SPTB: variants seen among roughly 807,000 people sequenced by gnomAD.
SPTB encodes the protein spectrin beta, erythrocytic.
A neutral mutation model predicts 256.2 loss-of-function variants in SPTB; 45 were observed. The ratio of observed to expected loss-of-function variants is 0.18; its 90% CI spans 0.14 to 0.23. SPTB has a LOEUF of 0.23. SPTB is among the 10% of genes least tolerant of loss of function. SPTB has a pLI of 1.00. For missense variants in SPTB, 2,715 were observed against 3,040.4 expected, an observed-to-expected ratio of 0.89 and a Z score of 2.52; for synonymous variants, 1,231 against 1,243.1, an observed-to-expected ratio of 0.99 and a Z score of 0.21.
intron 1 of SPTB, among the ~76,000 whole-genome samples, chr14:64,834,371 G>A (rs943983777): frequency 6.6e-6 from 1 of 151,300 alleles, no homozygotes; most frequent in Non-Finnish European, 1.5e-5. Flanking sequence ...GCTAGACTGT[G>A]TGGCAAAAGG....
Position 64,824,971 on chromosome 14 carries a change from G to A in SPTB, c.-51-1826C>T, listed in dbSNP as rs145795831. Among the ~76,000 whole-genome samples, 1,061 of 152,206 alleles carry A rather than the reference G, an allele frequency of 7.0e-3. 6 individuals carry two copies. Among genetic ancestry groups the A allele is most frequent in the Non-Finnish European group, 0.011 (748 of 68,010 alleles). Reference sequence around the variant, plus strand: ...CTGCTGCAGGAGGAGGCCTCCCCAGGGTCATCCGGTGGAATGACTGCGGCT... The same window carrying A: ...CTGCTGCAGGAGGAGGCCTCCCCAGAGTCATCCGGTGGAATGACTGCGGCT... On this transcript the variant is annotated intron_variant, in intron 1 of 35. Coordinates refer to ENST00000644917, the MANE Select transcript of SPTB (RefSeq NM_001355436.2). The surrounding 1 kb of genome is among the most constrained non-coding windows in gnomAD (Gnocchi z 5.7).
chr14:64,860,613 G>A (rs1056239003), intron 1 of SPTB, among the ~76,000 whole-genome samples: 3 of 151,990 alleles, frequency 2.0e-5, no homozygotes, highest in Non-Finnish European at 1.5e-5. Context: ...AAAAAGGATC[G>A]AGCCTGCCTC....
Position 64,822,965 on chromosome 14 carries a change from G to A in SPTB, c.130C>T (p.Arg44Trp), listed in dbSNP as rs1228690182. The A allele has an allele frequency of 5.0e-6, 8 of 1,613,688 alleles. No individual in the cohort carries two copies. The highest frequency in any genetic ancestry group is 6.8e-6 in the Non-Finnish European group (8 of 1,180,036). Reference sequence around the variant, plus strand: ...ACAGTACCTGCCAAGGCCTTTATCCGGGACCTCTCAAAGAGCCTGGCTGAG... The same window carrying A: ...ACAGTACCTGCCAAGGCCTTTATCCAGGACCTCTCAAAGAGCCTGGCTGAG... The part of the protein sequence containing the change: ...NSSARLFERS[R>W]IKALADEREV... Residue 44 changes from arginine to tryptophan, a missense_variant, in exon 2 of 36, where the codon CGG becomes TGG. Transcript: ENST00000644917.
Position 64,792,936 on chromosome 14 carries a change from G to A in SPTB, c.2666+61C>T. 12 of 1,611,006 alleles carry A rather than the reference G, an allele frequency of 7.4e-6. No homozygotes were observed. The highest frequency in any genetic ancestry group is 1.3e-5 in the African/African-American group (1 of 74,982). ...GATCCAGAGACTATTACCAAACTAG[G>A]TGGGAGATGGTGCCCAGGCCTGGGT... On this transcript the variant is annotated intron_variant, in intron 14 of 35. Coordinates refer to ENST00000644917, the MANE Select transcript of SPTB (RefSeq NM_001355436.2). This position sits in a 1 kb window ranked among gnomAD's most constrained non-coding sequence, Gnocchi z 4.2.
At position 64,790,066 on chromosome 14, in the gene SPTB, T is replaced by C. The variant is rs2139580579; in HGVS notation, c.2804+1653A>G. The stretch of plus-strand genomic sequence containing the variant: ...ATGTACGCATTTCAAGGAGGCAGAT[T>C]TCCACTCAATGGAAGAGCAAACTTT... On this transcript the variant is annotated intron_variant, in intron 15 of 35. Transcript: ENST00000644917. The surrounding 1 kb of genome is among the most constrained non-coding windows in gnomAD (Gnocchi z 4.8). Among the ~76,000 whole-genome samples, 1 of 152,270 alleles carries C rather than the reference T, an allele frequency of 6.6e-6. No homozygotes were observed. Among genetic ancestry groups the C allele is most frequent in the African/African-American group, 2.4e-5 (1 of 41,556 alleles).
Position 64,774,498 on chromosome 14 carries a change from C to A in SPTB, c.4872G>T (p.Lys1624Asn). 6.4e-7 allele frequency: 1 copy of A among 1,555,216 alleles called. No individual in the cohort carries two copies. The highest frequency in any genetic ancestry group is 1.2e-5 in the South Asian group (1 of 84,330). Residue 1624 changes from lysine (K) to asparagine (N), a missense_variant, in exon 24 of 36, where the codon AAG becomes AAT. Transcript: ENST00000644917. ...CCGCACGCTGCTGCCGCAAATGTCG[C>A]TTCAGCATCACAATGGCGCCCTCTT... The part of the protein sequence containing the change: ...KDEEGAIVML[K>N]RHLRQQRAVE...
chr14:64,858,452 AAC>A (rs1221324992), intron 1 of SPTB, among the ~76,000 whole-genome samples: 1 of 152,164 alleles, frequency 6.6e-6, no homozygotes, highest in African/African-American at 2.4e-5. Flanking sequence ...ATGAAATGAG[AAC>A]ACAGTCAGGA....
Position 64,816,972 on chromosome 14 carries a change from C to T in SPTB, c.148+5975G>A, listed in dbSNP as rs1294901832. Among the ~76,000 whole-genome samples the T allele has an allele frequency of 6.6e-6, 1 of 152,220 alleles. No individual in the cohort carries two copies. The highest frequency in any genetic ancestry group is 1.5e-5 in the Non-Finnish European group (1 of 68,038). The stretch of plus-strand genomic sequence containing the variant: ...AGGCTATTAACGTGGTTCACTCAGA[C>T]TGCACTGCCCGGGGAGAGAACAGAG... On this transcript the variant is annotated intron_variant, in intron 2 of 35. Transcript: ENST00000644917. The surrounding 1 kb of genome is among the most constrained non-coding windows in gnomAD (Gnocchi z 4.2).
intron 1 of SPTB, among the ~76,000 whole-genome samples, chr14:64,854,799 A>G (rs2139784881): frequency 1.3e-5 from 2 of 152,282 alleles, no homozygotes; most frequent in Middle Eastern, 6.8e-3. Flanking sequence ...CTTGCCCTTC[A>G]TTGAGGGGAA....
chr14:64,776,607 A>AT (rs201181714), intron 22 of SPTB, among the ~76,000 whole-genome samples: 12,699 of 151,974 alleles, frequency 0.084, 704 homozygotes, highest in East Asian at 0.27. Context: ...CATCTGGCTA[A>AT]TTTTTTGTAT....
chr14:64,781,041 G>C (rs1018314738), intron 20 of SPTB, among the ~76,000 whole-genome samples: 3 of 151,884 alleles, frequency 2.0e-5, no homozygotes, highest in Non-Finnish European at 1.5e-5. Context: ...ATTGAAGCTG[G>C]GCCCTTTCAT....
rs1482593603 is a variant in SPTB at position 64,749,667 on chromosome 14, T to C, written c.6806A>G (p.His2269Arg). Residue 2269 changes from histidine to arginine, a missense_variant, in exon 35 of 36, where the codon CAT becomes CGT. His to Arg is a conservative substitution (Grantham distance 29). This residue lies in a region of SPTB where 2,239 missense variants were observed against 2,384.4 expected (regional missense o/e 0.94). Coordinates refer to ENST00000644917, the MANE Select transcript of SPTB (RefSeq NM_001355436.2). The surrounding 1 kb of genome is among the most constrained non-coding windows in gnomAD (Gnocchi z 4.7). ...GCCCGCGCTTACCTCATCCTTGCCA[T>C]GGAAGAGCCACTCGCTGCCATTACT... ...RLSNGSEWLFHGKDEEEMLSW... is the reference protein window; with the variant it reads ...RLSNGSEWLFRGKDEEEMLSW... 1 of 1,613,758 alleles carries C rather than the reference T, an allele frequency of 6.2e-7. No individual in the cohort carries two copies. Among genetic ancestry groups the C allele is most frequent in the Non-Finnish European group, 8.5e-7 (1 of 1,179,946 alleles).
Position 64,828,872 on chromosome 14 carries a change from G to T in SPTB, c.-51-5727C>A, listed in dbSNP as rs573838499. Among the ~76,000 whole-genome samples, 224 of 152,286 alleles carry T rather than the reference G, an allele frequency of 1.5e-3. 1 individual carries two copies. Among genetic ancestry groups the T allele is most frequent in the Non-Finnish European group, 2.2e-3 (153 of 68,034 alleles). ...GTAGAGGTCTCAACATTGTAGTGAG[G>T]TCTCAACATTGAAAATAGTCAAGAA... On this transcript the variant is annotated intron_variant, in intron 1 of 35. Coordinates refer to ENST00000644917, the MANE Select transcript of SPTB (RefSeq NM_001355436.2).
At chr14:64,773,498 A>G in intron 24 of SPTB, 74 bp from the exon 25 acceptor site, 1 of 1,487,448 alleles carries the variant, frequency 6.7e-7, no homozygotes, top group Non-Finnish European at 9.3e-7. Context: ...GGGAGCCAAC[A>G]TATGCCAACC....
intron 2 of SPTB, among the ~76,000 whole-genome samples, chr14:64,813,351 T>C (rs1401175686): frequency 6.6e-6 from 1 of 152,080 alleles, no homozygotes; most frequent in Non-Finnish European, 1.5e-5. Context: ...GAAAGATAAG[T>C]AGGAGCCAAG....
Position 64,749,604 on chromosome 14 carries a change from T to G in SPTB, c.6819+50A>C. The G allele has an allele frequency of 6.2e-7, 1 of 1,611,714 alleles. No individual in the cohort carries two copies. The highest frequency in any genetic ancestry group is 8.5e-7 in the Non-Finnish European group (1 of 1,179,588). ...CTCCAGGGCAAGCGGCCTGGGGTCCTCCACCTACCCCCTTCTTAGCCAGGT... is the reference window on the plus strand; with the variant it reads ...CTCCAGGGCAAGCGGCCTGGGGTCCGCCACCTACCCCCTTCTTAGCCAGGT... On this transcript the variant is annotated intron_variant, in intron 35 of 35. Transcript: ENST00000644917. This position sits in a 1 kb window ranked among gnomAD's most constrained non-coding sequence, Gnocchi z 4.7.
intron 2 of SPTB, among the ~76,000 whole-genome samples, chr14:64,817,508 G>C (rs2083212936): frequency 6.6e-6 from 1 of 152,212 alleles, no homozygotes; most frequent in South Asian, 2.1e-4. Context: ...ACGGGTACCT[G>C]GAGACAGACA....
intron 29 of SPTB, chr14:64,768,345 G>T: frequency 4.8e-6 from 1 of 206,524 alleles, no homozygotes; most frequent in South Asian, 8.9e-5. Flanking sequence ...TGGCCCAATA[G>T]TTATATTTTT....
In SPTB at chr14:64,834,570, T is replaced by C. The variant is rs2083493274; in HGVS notation, c.-51-11425A>G. 3.3e-5 allele frequency among the ~76,000 whole-genome samples: 5 copies of C among 151,960 alleles called. No individual in the cohort carries two copies. The South Asian group carries it at 1.0e-3, about 32-fold the overall frequency. On this transcript the variant is annotated intron_variant, in intron 1 of 35. Transcript: ENST00000644917. ...CCTCCCAAGCGTCTGGGACTATAGG[T>C]ACATGCCACTACACTTGGCTAATTT... is the stretch of plus-strand genomic sequence containing the variant.
Sources: allele counts gnomAD v4.1 joint callset (sites outside exome capture counted in the v4.1 genomes callset), GRCh38; gene constraint gnomAD v4.1.1; regional missense constraint gnomAD v4.1.1; non-coding constraint Gnocchi (gnomAD v3.1); transcripts MANE v1.5; gene names NCBI Gene and HGNC (gene_info 2026-07-23, HGNC 2026-07-21).